MAPK10: variants seen among roughly 807,000 people sequenced by gnomAD.
The protein encoded by MAPK10 is JNK3 alpha protein kinase.
MAPK10 carries 25 observed loss-of-function variants against 59.3 expected under a neutral mutation model. The observed-to-expected ratio is 0.42, with a 90% CI of 0.31 to 0.59. MAPK10 has a LOEUF of 0.59. Among genes scored for constraint, MAPK10 ranks in the 20% least tolerant of loss-of-function variants. MAPK10 has a pLI of 0.15. For missense variants in MAPK10, 351 were observed against 568.9 expected (o/e 0.62, Z 3.90); for synonymous variants, 190 against 200.5 (o/e 0.95, Z 0.44).
At chr4:86,554,994 C>G (rs942388642) in intron 1 of MAPK10, among the ~76,000 whole-genome samples, 5 of 152,222 alleles carry the variant, frequency 3.3e-5, no homozygotes, top group Admixed American at 2.6e-4. Flanking sequence ...TCTTCCTCTT[C>G]TGTATATAAC....
At chr4:86,460,547 T>C (rs1393985421) in intron 1 of MAPK10, among the ~76,000 whole-genome samples, 1 of 152,212 alleles carries the variant, frequency 6.6e-6, no homozygotes, top group Non-Finnish European at 1.5e-5. Context: ...CCCCCAAATC[T>C]GGCCATAAAC....
intron 3 of MAPK10, among the ~76,000 whole-genome samples, chr4:86,162,419 T>C (rs2070074918): frequency 6.6e-6 from 1 of 151,972 alleles, no homozygotes; most frequent in African/African-American, 2.4e-5. Context: ...GCTACAAGGA[T>C]CAATAACAAA....
At chr4:86,589,939 G>T (rs1008468876) in intron 1 of MAPK10, among the ~76,000 whole-genome samples, 3 of 149,964 alleles carry the variant, frequency 2.0e-5, no homozygotes, top group Non-Finnish European at 4.4e-5. Context: ...AGCCGAGATC[G>T]CGCCACTGCA....
At chr4:86,031,534 C>G (rs9307014) in intron 11 of MAPK10, 103 bp from the exon 12 acceptor site, 129,715 of 788,708 alleles carry the variant, frequency 0.16, 13,022 homozygotes, top group African/African-American at 0.35. Context: ...TCGGTGATTT[C>G]AACCGTATAT....
At chr4:86,403,291 G>T (rs1448595477) in intron 1 of MAPK10, among the ~76,000 whole-genome samples, 3 of 152,078 alleles carry the variant, frequency 2.0e-5, no homozygotes, top group African/African-American at 7.2e-5. Flanking sequence ...AAGGCGGGAG[G>T]ATCACCTGAG....
chr4:86,228,913 C>G (rs2091110443), intron 2 of MAPK10, among the ~76,000 whole-genome samples: 1 of 152,136 alleles, frequency 6.6e-6, no homozygotes, highest in South Asian at 2.1e-4. Flanking sequence ...TTCAACTACA[C>G]TAATTTCATT....
chr4:86,324,123 T>C (rs926919030), intron 2 of MAPK10, among the ~76,000 whole-genome samples: 1 of 152,136 alleles, frequency 6.6e-6, no homozygotes. Flanking sequence ...AGAGCTAGTT[T>C]AGGTCGGGCG....
At chr4:86,154,292 G>A (rs2067166678) in intron 4 of MAPK10, among the ~76,000 whole-genome samples, 1 of 151,896 alleles carries the variant, frequency 6.6e-6, no homozygotes, top group Admixed American at 6.6e-5. Flanking sequence ...AAATTGTGCT[G>A]CAGATTTAAA....
chr4:86,444,253 T>C (rs113851171), intron 1 of MAPK10, among the ~76,000 whole-genome samples: 1,571 of 152,082 alleles, frequency 0.01, 40 homozygotes, highest in African/African-American at 0.035. Flanking sequence ...GCAGAATAAA[T>C]GCCCCAAAAC....
chr4:86,043,763 C>T (rs1043986593), intron 11 of MAPK10, among the ~76,000 whole-genome samples: 1 of 152,120 alleles, frequency 6.6e-6, no homozygotes. Context: ...GACTCCATCA[C>T]AGCATTATCA....
intron 2 of MAPK10, among the ~76,000 whole-genome samples, chr4:86,280,043 T>C (rs1023776291): frequency 6.6e-6 from 1 of 152,208 alleles, no homozygotes; most frequent in African/African-American, 2.4e-5. Context: ...TTTCTTGACA[T>C]CAGCCTTAGC....
intron 1 of MAPK10, among the ~76,000 whole-genome samples, chr4:86,512,528 G>T (rs79473069): frequency 3.3e-5 from 5 of 152,036 alleles, no homozygotes; most frequent in Admixed American, 1.3e-4. Flanking sequence ...GCCTCAAAAG[G>T]TTTTAAATCT....
chr4:86,584,935 C>G (rs569410339), intron 1 of MAPK10, among the ~76,000 whole-genome samples: 1 of 152,230 alleles, frequency 6.6e-6, no homozygotes, highest in African/African-American at 2.4e-5. Flanking sequence ...AAGTCCAAGA[C>G]AGTAGCTCAA....
At chr4:86,122,559 G>A (rs2059433079) in intron 4 of MAPK10, among the ~76,000 whole-genome samples, 1 of 152,034 alleles carries the variant, frequency 6.6e-6, no homozygotes, top group Admixed American at 6.6e-5. Flanking sequence ...TCCATTGAAA[G>A]CTCTGCTCTC....
At chr4:86,472,873 C>T (rs1045051118) in intron 1 of MAPK10, among the ~76,000 whole-genome samples, 12 of 152,180 alleles carry the variant, frequency 7.9e-5, no homozygotes, top group East Asian at 3.9e-4. Context: ...TTACACAGGG[C>T]GTACCCCAGG....
At chr4:86,150,840 C>T (rs916715700) in intron 4 of MAPK10, among the ~76,000 whole-genome samples, 10 of 151,750 alleles carry the variant, frequency 6.6e-5, no homozygotes, top group Non-Finnish European at 1.2e-4. Flanking sequence ...CCAGCCTGGG[C>T]GACAGAGTGA....
At chr4:86,412,480 T>C (rs1745314700) in intron 1 of MAPK10, among the ~76,000 whole-genome samples, 1 of 152,228 alleles carries the variant, frequency 6.6e-6, no homozygotes, top group African/African-American at 2.4e-5. Flanking sequence ...TCCTGGATAA[T>C]ATCCTGAAGA....
At chr4:86,157,758 T>G (rs1360253355) in intron 4 of MAPK10, among the ~76,000 whole-genome samples, 1 of 127,182 alleles carries the variant, frequency 7.9e-6, no homozygotes, top group Non-Finnish European at 1.6e-5. Flanking sequence ...TACAAAATTA[T>G]TAGAAAATGT....
intron 1 of MAPK10, among the ~76,000 whole-genome samples, chr4:86,431,665 T>C (rs1748061872): frequency 1.3e-5 from 2 of 152,190 alleles, no homozygotes; most frequent in Non-Finnish European, 2.9e-5. Flanking sequence ...GCGTAGCCTT[T>C]GGTCAGAAGC....
Sources: gnomAD v4.1 joint callset for allele counts (sites outside exome capture counted in the v4.1 genomes callset) on GRCh38, gnomAD v4.1.1 for gene constraint, MANE v1.5 for transcripts, NCBI Gene and HGNC (gene_info 2026-07-23, HGNC 2026-07-21) for gene names.